MRPS23: variants seen among roughly 807,000 people sequenced by gnomAD.
MRPS23 encodes the protein small ribosomal subunit protein mS23.
In MRPS23, 14 loss-of-function variants were observed where a neutral mutation model predicts 19.8. That is an observed-to-expected ratio of 0.71 (90% CI 0.47 to 1.11). The LOEUF (loss-of-function observed/expected upper bound fraction) is 1.11, where lower values mean the gene tolerates loss of function less well. Ranked by LOEUF, MRPS23 falls within the 50% of genes least tolerant of loss-of-function variation. The probability of loss-of-function intolerance (pLI) is 0.00; values close to 1 mark genes in which losing one functional copy is unlikely to be tolerated. For missense variants in MRPS23, 242 were observed against 236.7 expected (o/e 1.02, Z -0.15); for synonymous variants, 113 against 89.7 (o/e 1.26, Z -1.47).
chr17:57,842,976 AT>A (rs759352968), intron 2 of MRPS23, among the ~76,000 whole-genome samples: 57 of 150,822 alleles, frequency 3.8e-4, no homozygotes, highest in Non-Finnish European at 6.5e-4. Flanking sequence ...CCCAGCAAAA[AT>A]ATATATATAT....
rs765897648 is a variant in MRPS23 at position 57,840,998 on chromosome 17, C to A, written c.348G>T (p.Lys116Asn). The change falls in exon 4 of 5, where the codon AAG becomes AAT. Residue 116 changes from lysine (K) to asparagine (N), a missense_variant. By Grantham distance (94) the Lys-to-Asn change is moderately conservative. Transcript: ENST00000313608. ...AAGCCTTCCCTGTTTCCACAAATAA[C>A]TTCTCTTCATCTGTTTCTCCAAGTT... ...LQKLGETDEEKLFVETGKALL... is the reference protein window; with the variant it reads ...LQKLGETDEENLFVETGKALL... 1.3e-5 allele frequency: 21 copies of A among 1,614,074 alleles called. No individual in the cohort carries two copies. Among genetic ancestry groups the A allele is most frequent in the Non-Finnish European group, 1.7e-5 (20 of 1,180,038 alleles).
chr17:57,850,039 G>C lies in MRPS23; in HGVS notation c.-29C>G. Reference sequence around the variant, plus strand: ...CTGCGCCTGGTACCGAGCGTGACTAGCTGCTACCGGAACCGGAAGCGGCTG... The same window carrying C: ...CTGCGCCTGGTACCGAGCGTGACTACCTGCTACCGGAACCGGAAGCGGCTG... On this transcript the variant is annotated 5_prime_UTR_variant, in exon 1 of 5. Transcript: ENST00000313608. The C allele has an allele frequency of 1.3e-6, 2 of 1,581,392 alleles. No individual in the cohort carries two copies. Among genetic ancestry groups the C allele is most frequent in the Non-Finnish European group, 1.7e-6 (2 of 1,168,952 alleles).
At chr17:57,849,803 T>C in intron 1 of MRPS23, 164 bp downstream of exon 1, 1 of 806,154 alleles carries the variant, frequency 1.2e-6, no homozygotes, top group Admixed American at 2.9e-5. Context: ...CAGGCACAAC[T>C]ATTCGGAGCC....
rs1483542746 is a variant in MRPS23, at chr17:57,839,667, C to G, written c.*116G>C. 9 of 1,290,154 alleles carry G rather than the reference C, an allele frequency of 7.0e-6. No homozygotes were observed. Among genetic ancestry groups the G allele is most frequent in the Non-Finnish European group, 9.4e-6 (9 of 959,386 alleles). 79.9% of individuals were successfully genotyped at this position (1,290,154 alleles called of 1,614,324 possible). The stretch of plus-strand genomic sequence containing the variant: ...CAACCCAGAAATAACTAAGAGAAGG[C>G]AAACATAATACCTTAGAGATCAAGA... On this transcript the variant is annotated 3_prime_UTR_variant, in exon 5 of 5. Coordinates refer to ENST00000313608, the MANE Select transcript of MRPS23 (RefSeq NM_016070.4).
chr17:57,838,730 C>G lies in MRPS23; in HGVS notation c.*1053G>C, dbSNP rs1054370454. 2 of 152,368 alleles carry G rather than the reference C, an allele frequency of 1.3e-5. No individual in the cohort carries two copies. The highest frequency in any genetic ancestry group is 3.9e-4 in the East Asian group (2 of 5,194). The allele number at this position is 152,368 out of a possible 1,614,324, so 9.4% of individuals were successfully genotyped here. On this transcript the variant is annotated 3_prime_UTR_variant, in exon 5 of 5. Transcript: ENST00000313608. Reference sequence around the variant, plus strand: ...CATTCACCTGCATGAACCAAGCACCCACGTGCATGGATGTGTACTATATAC... The same window carrying G: ...CATTCACCTGCATGAACCAAGCACCGACGTGCATGGATGTGTACTATATAC...
chr17:57,846,625 CT>C (rs1452402928), intron 2 of MRPS23, among the ~76,000 whole-genome samples: 1 of 152,008 alleles, frequency 6.6e-6, no homozygotes, highest in Non-Finnish European at 1.5e-5. Flanking sequence ...CCCCAACCCC[CT>C]GCTCTCTGAA....
intron 2 of MRPS23, among the ~76,000 whole-genome samples, chr17:57,846,886 C>G (rs1048719377): frequency 4.0e-5 from 6 of 149,922 alleles, no homozygotes; most frequent in East Asian, 2.0e-4. Flanking sequence ...ATCCCCCTCT[C>G]CGAGAAACAC....
chr17:57,843,268 C>CAA (rs11290064), intron 2 of MRPS23, among the ~76,000 whole-genome samples: 1 of 138,336 alleles, frequency 7.2e-6, no homozygotes, highest in Non-Finnish European at 1.6e-5. Context: ...GATCCTGCCT[C>CAA]AAAAAAAAAA....
intron 1 of MRPS23, 142 bp from the exon 2 acceptor site, chr17:57,849,552 G>A: frequency 9.9e-7 from 1 of 1,008,974 alleles, no homozygotes; most frequent in African/African-American, 1.6e-5. Flanking sequence ...CACCTACAGA[G>A]AAGATCTGTC....
chr17:57,849,445 G>C, intron 1 of MRPS23, 35 bp from the exon 2 acceptor site: 4 of 1,604,664 alleles, frequency 2.5e-6, no homozygotes, highest in Non-Finnish European at 2.6e-6. Context: ...TGGGTCACTT[G>C]CAGTAGCCTG....
chr17:57,842,630 T>C (rs146470203), intron 2 of MRPS23, among the ~76,000 whole-genome samples: 3 of 152,238 alleles, frequency 2.0e-5, no homozygotes, highest in African/African-American at 7.2e-5. Flanking sequence ...CATTTGTAAT[T>C]AAGCCTTCCA....
Position 57,841,172 on chromosome 17 carries a change from A to G in MRPS23, c.293+11T>C. The stretch of plus-strand genomic sequence containing the variant: ...TAATATGAATAGCCTAGGACTTATA[A>G]AATGGCTTACCGTTGACAGGTAGAC... On this transcript the variant is annotated intron_variant, in intron 3 of 4. Coordinates refer to ENST00000313608, the MANE Select transcript of MRPS23 (RefSeq NM_016070.4). 17 of 1,614,054 alleles carry G rather than the reference A, an allele frequency of 1.1e-5. No individual in the cohort carries two copies. Among genetic ancestry groups the G allele is most frequent in the Non-Finnish European group, 1.4e-5 (17 of 1,179,936 alleles).
At position 57,838,645 on chromosome 17, in the gene MRPS23, A is replaced by G. The variant is rs1297048109; in HGVS notation, c.*1138T>C. On this transcript the variant is annotated 3_prime_UTR_variant, in exon 5 of 5. Transcript: ENST00000313608. ...TTCTCCAAATGCAAGCAGTTGTGAA[A>G]CAGTGATAAAGGTCGAGGGGGAAGC... The G allele has an allele frequency of 6.6e-6, 1 of 152,250 alleles. No homozygotes were observed. Among genetic ancestry groups the G allele is most frequent in the Non-Finnish European group, 1.5e-5 (1 of 68,050 alleles). The allele number at this position is 152,250 out of a possible 1,614,324, so 9.4% of individuals were successfully genotyped here.
At position 57,849,235 on chromosome 17, in the gene MRPS23, C is replaced by A; in HGVS notation, c.215+5G>T. 1 of 1,614,086 alleles carries A rather than the reference C, an allele frequency of 6.2e-7. No homozygotes were observed. Among genetic ancestry groups the A allele is most frequent in the Non-Finnish European group, 8.5e-7 (1 of 1,179,966 alleles). On this transcript the variant is annotated splice_donor_5th_base_variant and intron_variant, in intron 2 of 4. Coordinates refer to ENST00000313608, the MANE Select transcript of MRPS23 (RefSeq NM_016070.4). ...CTCCTGTCCACTACAGGGCTGAGCACTCACGCTCTAATCCGATCCTCGTGG... is the reference window on the plus strand; with the variant it reads ...CTCCTGTCCACTACAGGGCTGAGCAATCACGCTCTAATCCGATCCTCGTGG...
rs1429778153 is a variant in MRPS23, at chr17:57,849,415, G to C, written c.45-5C>G. 1.2e-6 allele frequency: 2 copies of C among 1,613,160 alleles called. No homozygotes were observed. The highest frequency in any genetic ancestry group is 1.3e-5 in the African/African-American group (1 of 74,906). On this transcript the variant is annotated splice_region_variant and splice_polypyrimidine_tract_variant and intron_variant, in intron 1 of 4. Coordinates refer to ENST00000313608, the MANE Select transcript of MRPS23 (RefSeq NM_016070.4). ...GCCCGAACCAGGTCCCGAGTCCTTA[G>C]GGAGGGAACAGAACGAAACTGGGTC... is the stretch of plus-strand genomic sequence containing the variant.
In MRPS23 at chr17:57,834,950, A is replaced by T. The variant is rs2073696015; in HGVS notation, c.*4833T>A. 6.6e-6 allele frequency: 1 copy of T among 152,240 alleles called. No individual in the cohort carries two copies. The highest frequency in any genetic ancestry group is 2.1e-4 in the South Asian group (1 of 4,832). 9.4% of individuals were successfully genotyped at this position (152,240 alleles called of 1,614,324 possible). On this transcript the variant is annotated 3_prime_UTR_variant, in exon 5 of 5. Coordinates refer to ENST00000313608, the MANE Select transcript of MRPS23 (RefSeq NM_016070.4). ...AGAATCAGGCTAGCCTTTTAAGGAC[A>T]TCATCAAAAATCAGGCCTACCCAAT...
At chr17:57,847,716 A>T (rs1281560350) in intron 2 of MRPS23, among the ~76,000 whole-genome samples, 3 of 145,120 alleles carry the variant, frequency 2.1e-5, no homozygotes, top group Non-Finnish European at 3.0e-5. Flanking sequence ...TTTTTTTTGG[A>T]GACAGGGTCT....
intron 2 of MRPS23, among the ~76,000 whole-genome samples, chr17:57,848,329 G>GA (rs1047166813): frequency 8.3e-5 from 12 of 144,652 alleles, no homozygotes; most frequent in Admixed American, 1.4e-4. Context: ...TTAAGAAAAA[G>GA]AAAAAAAAAG....
At chr17:57,849,192 C>G in intron 2 of MRPS23, 48 bp downstream of exon 2, 1 of 1,589,274 alleles carries the variant, frequency 6.3e-7, no homozygotes, top group Non-Finnish European at 8.6e-7. Context: ...GAAACCTTCC[C>G]TTCTGAAGTT....
Sources: gnomAD v4.1 joint callset for allele counts (sites outside exome capture counted in the v4.1 genomes callset) on GRCh38, gnomAD v4.1.1 for gene constraint, MANE v1.5 for transcripts, NCBI Gene and HGNC (gene_info 2026-07-23, HGNC 2026-07-21) for gene names.